GDAP1: variants seen among roughly 807,000 people sequenced by gnomAD.
GDAP1 encodes the protein ganglioside induced differentiation associated protein 1, also known as ganglioside-induced differentiation-associated protein 1.
In GDAP1, 34 loss-of-function variants were observed where a neutral mutation model predicts 40.1. The ratio of observed to expected loss-of-function variants is 0.85; its 90% confidence interval spans 0.64 to 1.13. The LOEUF (loss-of-function observed/expected upper bound fraction) is 1.13. Ranked by LOEUF, GDAP1 falls within the 50% of genes most tolerant of loss-of-function variation. The pLI, the probability that GDAP1 is intolerant of heterozygous loss-of-function variation, is 0.00. For synonymous variants in GDAP1, 170 were observed against 157.4 expected, an observed-to-expected ratio of 1.08 and a Z score of -0.60; for missense variants, 374 against 433.7, an observed-to-expected ratio of 0.86 and a Z score of 1.22.
At position 74,397,211 on chromosome 8, in the gene GDAP1, T is replaced by C. The variant is rs1329395935; in HGVS notation, c.165+45890T>C. Among the ~76,000 whole-genome samples, 5 of 151,916 alleles carry C rather than the reference T, an allele frequency of 3.3e-5. No homozygotes were observed. The East Asian group carries it at 9.7e-4, about 29-fold the overall frequency. On this transcript the variant is annotated intron_variant, in intron 2 of 2. Transcript: ENST00000523640. Reference sequence around the variant, plus strand: ...CGCTTTTTGATGGGTTTTTTTTTTTTTTTCTTGTAAATTTGTTTGAATTCA... The same window carrying C: ...CGCTTTTTGATGGGTTTTTTTTTTTCTTTCTTGTAAATTTGTTTGAATTCA...
chr8:74,469,679 A>T (rs185023874), intron 2 of GDAP1, among the ~76,000 whole-genome samples: 1,732 of 149,390 alleles, frequency 0.012, 24 homozygotes, highest in African/African-American at 0.04. Flanking sequence ...AAAAAAAAAA[A>T]AAAAGTATTC....
intron 2 of GDAP1, among the ~76,000 whole-genome samples, chr8:74,472,016 T>A (rs1806563126): frequency 6.6e-6 from 1 of 152,090 alleles, no homozygotes; most frequent in African/African-American, 2.4e-5. Flanking sequence ...GTCATGAGGG[T>A]TTGTTGTACA....
In GDAP1 at chr8:74,351,355, T is replaced by C; in HGVS notation, c.199T>C (p.Trp67Arg). 6.2e-7 allele frequency: 1 copy of C among 1,614,004 alleles called. No homozygotes were observed. Among genetic ancestry groups the C allele is most frequent in the Non-Finnish European group, 8.5e-7 (1 of 1,179,812 alleles). Residue 67 changes from tryptophan to arginine, a missense_variant, in exon 2 of 6, where the codon TGG becomes CGG. Physicochemically the swap from Trp to Arg is moderately radical, Grantham distance 101 (BLOSUM62 -3). Coordinates refer to ENST00000220822, the MANE Select transcript of GDAP1 (RefSeq NM_018972.4). ...SLPLSEHNEP[W>R]FMRLNSTGEV... ...GCCCTTGAGTGAGCACAATGAGCCT[T>C]GGTTTATGCGTTTGAACTCAACTGG...
chr8:74,351,558 C>G, intron 2 of GDAP1, 92 bp downstream of exon 2: 1 of 974,194 alleles, frequency 1.0e-6, no homozygotes, highest in Non-Finnish European at 1.7e-6. Context: ...CTCTCTCTTT[C>G]TCTTGTGTCA....
In GDAP1 at chr8:74,366,532, T is replaced by C. The variant is rs1390607228; in HGVS notation, c.*2165T>C. Reference sequence around the variant, plus strand: ...ACAGTATTAGCTAAATAGGCACTTATGTGTATTTTCTTTTTCATGATTATC... The same window carrying C: ...ACAGTATTAGCTAAATAGGCACTTACGTGTATTTTCTTTTTCATGATTATC... On this transcript the variant is annotated 3_prime_UTR_variant, in exon 6 of 6. Coordinates refer to ENST00000220822, the MANE Select transcript of GDAP1 (RefSeq NM_018972.4). 1 of 454,024 alleles carries C rather than the reference T, an allele frequency of 2.2e-6. No individual in the cohort carries two copies. The allele number at this position is 454,024 out of a possible 1,614,324, so 28.1% of individuals were successfully genotyped here. A position where few individuals can be genotyped will look rare whatever the true frequency, so the allele number is the denominator to read the frequency against.
intron 2 of GDAP1, among the ~76,000 whole-genome samples, chr8:74,415,824 C>G (rs927708154): frequency 6.7e-6 from 1 of 149,844 alleles, no homozygotes; most frequent in Non-Finnish European, 1.5e-5. Flanking sequence ...TTGAGAGAAA[C>G]CCCTAACTGT....
chr8:74,426,819 A>G (rs1347243750), intron 2 of GDAP1, among the ~76,000 whole-genome samples: 1 of 152,140 alleles, frequency 6.6e-6, no homozygotes, highest in Non-Finnish European at 1.5e-5. Context: ...TGTTGGTTAC[A>G]TAGGAAATAC....
chr8:74,382,435 C>T (rs1034502180), intron 2 of GDAP1, among the ~76,000 whole-genome samples: 1 of 143,714 alleles, frequency 7.0e-6, no homozygotes, highest in Non-Finnish European at 1.5e-5. Flanking sequence ...TAAATATTTA[C>T]AAGCATGAAG....
intron 2 of GDAP1, among the ~76,000 whole-genome samples, chr8:74,446,596 G>A (rs1048374845): frequency 2.0e-5 from 3 of 152,084 alleles, no homozygotes; most frequent in Non-Finnish European, 4.4e-5. Flanking sequence ...TCATAATTTT[G>A]GAATAGTTTT....
At chr8:74,379,815 T>A (rs1452586656) in intron 2 of GDAP1, among the ~76,000 whole-genome samples, 1 of 152,112 alleles carries the variant, frequency 6.6e-6, no homozygotes, top group Non-Finnish European at 1.5e-5. Flanking sequence ...ATGACACGTA[T>A]CAGAGGAGCA....
chr8:74,390,797 C>G (rs1001456167), intron 2 of GDAP1, among the ~76,000 whole-genome samples: 1 of 152,228 alleles, frequency 6.6e-6, no homozygotes, highest in Non-Finnish European at 1.5e-5. Flanking sequence ...TCCCTACTCC[C>G]AGGTGCTCTG....
intron 5 of GDAP1, 133 bp from the exon 6 acceptor site, chr8:74,363,852 G>A: frequency 1.3e-6 from 1 of 754,778 alleles, no homozygotes; most frequent in Admixed American, 2.3e-5. Context: ...TGGCTGTCAA[G>A]AAAATAAATA....
chr8:74,433,829 G>A (rs548516408), intron 2 of GDAP1, among the ~76,000 whole-genome samples: 1 of 152,136 alleles, frequency 6.6e-6, no homozygotes, highest in African/African-American at 2.4e-5. Flanking sequence ...GGATGTATGT[G>A]ATCAACCCCA....
At position 74,451,807 on chromosome 8, in the gene GDAP1, T is replaced by A. The variant is rs1806297832; in HGVS notation, c.166-36871T>A. On this transcript the variant is annotated intron_variant, in intron 2 of 2. Coordinates refer to the GDAP1 transcript ENST00000523640. Reference sequence around the variant, plus strand: ...TGGATAATACAGCAGTCATTCCTACTGATGTAACCATAAGTGCATGTGTCT... The same window carrying A: ...TGGATAATACAGCAGTCATTCCTACAGATGTAACCATAAGTGCATGTGTCT... Among the ~76,000 whole-genome samples the A allele has an allele frequency of 4.9e-5, 4 of 81,230 alleles. 2 individuals are homozygous for A. The Admixed American group carries it at 5.0e-4, about 10-fold the overall frequency. 53.3% of individuals were successfully genotyped at this position (81,230 alleles called of 152,430 possible). A position where few individuals can be genotyped will look rare whatever the true frequency, so the allele number is the denominator to read the frequency against.
Position 74,431,312 on chromosome 8 carries a change from G to T in GDAP1, c.166-57366G>T, listed in dbSNP as rs1806021781. ...TTATTAAAATGAGATATATACTGAAGAATTTATGGATTAAATGTAAATGAT... is the reference window on the plus strand; with the variant it reads ...TTATTAAAATGAGATATATACTGAATAATTTATGGATTAAATGTAAATGAT... On this transcript the variant is annotated intron_variant, in intron 2 of 2. Transcript: ENST00000523640. Among the ~76,000 whole-genome samples the T allele has an allele frequency of 9.9e-5, 15 of 151,756 alleles. 1 individual carries two copies. Among genetic ancestry groups the T allele is most frequent in the Admixed American group, 9.9e-4 (15 of 15,212 alleles).
chr8:74,482,064 G>A lies in GDAP1; in HGVS notation c.166-6614G>A, dbSNP rs1461434972. 2.1e-5 allele frequency among the ~76,000 whole-genome samples: 3 copies of A among 142,326 alleles called. No individual in the cohort carries two copies. The East Asian group carries it at 7.0e-4, about 33-fold the overall frequency. The allele number at this position is 142,326 out of a possible 152,430, so 93.4% of individuals were successfully genotyped here. A position where few individuals can be genotyped will look rare whatever the true frequency, so the allele number is the denominator to read the frequency against. On this transcript the variant is annotated intron_variant, in intron 2 of 2. Coordinates refer to the GDAP1 transcript ENST00000523640. Reference sequence around the variant, plus strand: ...AGCAGTACGGTGGTGAAGGGGGAAGGACTTTCTGTTAGACTTCCCACATGC... The same window carrying A: ...AGCAGTACGGTGGTGAAGGGGGAAGAACTTTCTGTTAGACTTCCCACATGC...
rs550326849 is a variant in GDAP1 at position 74,404,336 on chromosome 8, G to T, written c.165+53015G>T. 1.6e-4 allele frequency among the ~76,000 whole-genome samples: 24 copies of T among 149,374 alleles called. No individual in the cohort carries two copies. The East Asian group carries it at 4.4e-3, about 28-fold the overall frequency. ...CTTTTTCACCAACCTATAGTAGCTA[G>T]TATTTAGTAATATCATTAATAGTAA... On this transcript the variant is annotated intron_variant, in intron 2 of 2. Coordinates refer to the GDAP1 transcript ENST00000523640.
chr8:74,470,255 T>C (rs2131583819), intron 2 of GDAP1, among the ~76,000 whole-genome samples: 2 of 152,332 alleles, frequency 1.3e-5, no homozygotes, highest in Admixed American at 1.3e-4. Context: ...TTGCCTGCTT[T>C]TATTTTATTT....
intron 2 of GDAP1, among the ~76,000 whole-genome samples, chr8:74,422,360 TCC>T (rs1805885436): frequency 1.6e-5 from 1 of 62,114 alleles, no homozygotes; most frequent in African/African-American, 6.5e-5. Flanking sequence ...TTCCCTTCCT[TCC>T]TTCCTTCCTT....
Sources: allele counts gnomAD v4.1 joint callset (sites outside exome capture counted in the v4.1 genomes callset), GRCh38; gene constraint gnomAD v4.1.1; transcripts MANE v1.5; gene names NCBI Gene and HGNC (gene_info 2026-07-23, HGNC 2026-07-21).